Variants in DAAM2 observed in about 807,000 individuals in gnomAD.
The protein encoded by DAAM2 is disheveled-associated activator of morphogenesis 2.
DAAM2 carries 39 observed loss-of-function variants against 120.7 expected under a neutral mutation model. The observed-to-expected ratio is 0.32, with a 90% CI of 0.25 to 0.42. The LOEUF (loss-of-function observed/expected upper bound fraction) is 0.42. DAAM2 is among the 10% of genes least tolerant of loss of function. The pLI is 1.00. For missense variants in DAAM2, 1,283 were observed against 1,401.7 expected (o/e 0.92, Z 1.35); for synonymous variants, 488 against 524.9 (o/e 0.93, Z 0.96).
intron 6 of DAAM2, chr6:39,868,049 T>G (rs1024054409): frequency 1.8e-6 from 1 of 571,120 alleles, no homozygotes; most frequent in African/African-American, 1.9e-5. Flanking sequence ...TTAAGAGTTA[T>G]GAGTTTGGCT....
intron 1 of DAAM2, among the ~76,000 whole-genome samples, chr6:39,815,573 C>T (rs1458458949): frequency 6.6e-6 from 1 of 151,988 alleles, no homozygotes; most frequent in Admixed American, 6.6e-5. Context: ...AACATTAACT[C>T]TTATTGGTGT....
chr6:39,892,865 C>T (rs891972265), intron 19 of DAAM2, among the ~76,000 whole-genome samples: 1 of 152,126 alleles, frequency 6.6e-6, no homozygotes, highest in Non-Finnish European at 1.5e-5. Flanking sequence ...TCTTGTTCCC[C>T]CTCACACTAC....
intron 11 of DAAM2, among the ~76,000 whole-genome samples, chr6:39,877,556 C>T (rs1382523705): frequency 5.3e-5 from 8 of 152,210 alleles, no homozygotes; most frequent in Admixed American, 5.2e-4. Context: ...GGCCAAAAGT[C>T]ATGGGTCTAA....
intron 1 of DAAM2, among the ~76,000 whole-genome samples, chr6:39,802,457 AAAAG>A (rs1372708460): frequency 1.3e-5 from 2 of 152,236 alleles, no homozygotes; most frequent in African/African-American, 4.8e-5. Context: ...AAAAAAAGAA[AAAAG>A]AAAGTCCTTG....
At position 39,887,501 on chromosome 6, in the gene DAAM2, A is replaced by G. The variant is rs1306526322; in HGVS notation, c.1969A>G (p.Thr657Ala). The change falls in exon 16 of 25, where the codon ACT becomes GCT. Residue 657 changes from threonine to alanine, a missense_variant. Transcript: ENST00000274867. ...YQRHQKELGS[T>A]EDIYLASRKV... Reference sequence around the variant, plus strand: ...TTGGTTGCAGAAAGAGCTGGGCTCCACTGAAGACATCTACCTGGCTTCCCG... The same window carrying G: ...TTGGTTGCAGAAAGAGCTGGGCTCCGCTGAAGACATCTACCTGGCTTCCCG... 1 of 1,613,432 alleles carries G rather than the reference A, an allele frequency of 6.2e-7. No homozygotes were observed. The highest frequency in any genetic ancestry group is 2.2e-5 in the East Asian group (1 of 44,836).
rs1764702212 is a variant in DAAM2, at chr6:39,872,493, C to G, written c.1045-745C>G. 3.9e-5 allele frequency among the ~76,000 whole-genome samples: 6 copies of G among 152,264 alleles called. No individual in the cohort carries two copies. In the South Asian group the frequency reaches 8.3e-4, roughly 21 times the overall value. On this transcript the variant is annotated intron_variant, in intron 9 of 24. Coordinates refer to ENST00000274867, the MANE Select transcript of DAAM2 (RefSeq NM_001201427.2). ...TGCCTTCCAGCAACTTCCTGAGTCC[C>G]CTCTCCCCATCCCTAACCAGATCAT...
chr6:39,842,329 T>G (rs1431597232), intron 1 of DAAM2, among the ~76,000 whole-genome samples: 3 of 152,100 alleles, frequency 2.0e-5, no homozygotes, highest in Admixed American at 6.5e-5. Flanking sequence ...AGAAGTTAAT[T>G]GGTATAAAAA....
Position 39,901,319 on chromosome 6 carries a change from G to A in DAAM2, c.2829G>A (p.Met943Ile). ...CTTGACAGTTCGCCAAGGCCTTGAT[G>A]CACTTCGGGGAGCATGACAGCAAGA... ...EARDKFAKAL[M>I]HFGEHDSKMQ... Residue 943 changes from methionine (M) to isoleucine (I), a missense_variant, in exon 24 of 25, where the codon ATG becomes ATA. Met to Ile is a conservative substitution (Grantham distance 10). This residue lies in a region of DAAM2 where 748 missense variants were observed against 768.6 expected (regional missense o/e 0.97). Coordinates refer to ENST00000274867, the MANE Select transcript of DAAM2 (RefSeq NM_001201427.2). The surrounding 1 kb of genome is among the most constrained non-coding windows in gnomAD (Gnocchi z 4.5). 1.9e-6 allele frequency: 3 copies of A among 1,613,880 alleles called. No individual in the cohort carries two copies. The highest frequency in any genetic ancestry group is 2.5e-6 in the Non-Finnish European group (3 of 1,179,810).
rs74340117 is a variant in DAAM2 at position 39,903,749 on chromosome 6, G to C, written c.*1712G>C. 4.8e-5 allele frequency: 8 copies of C among 166,196 alleles called. No individual in the cohort carries two copies. The highest frequency in any genetic ancestry group is 1.7e-4 in the Admixed American group (3 of 17,454). The allele number at this position is 166,196 out of a possible 1,614,324, so 10.3% of individuals were successfully genotyped here. A position where few individuals can be genotyped will look rare whatever the true frequency, so the allele number is the denominator to read the frequency against. On this transcript the variant is annotated 3_prime_UTR_variant, in exon 25 of 25. Coordinates refer to ENST00000274867, the MANE Select transcript of DAAM2 (RefSeq NM_001201427.2). ...CTGGGGCTGGGACCGTAGTAGCTGC[G>C]GGGGGGAAGAAACACAGGGTCGGTG...
intron 1 of DAAM2, chr6:39,819,991 G>C (rs1762435205): frequency 6.6e-6 from 1 of 152,288 alleles, no homozygotes; most frequent in South Asian, 2.1e-4. Flanking sequence ...AACGGGCAAA[G>C]CTTGTGAGAG....
At chr6:39,824,725 AC>A (rs1387769616) in intron 1 of DAAM2, among the ~76,000 whole-genome samples, 1 of 152,088 alleles carries the variant, frequency 6.6e-6, no homozygotes, top group Non-Finnish European at 1.5e-5. Context: ...GAGAGGACCC[AC>A]TGGTGCCTTC....
In DAAM2 at chr6:39,904,235, C is replaced by A. The variant is rs1766653564; in HGVS notation, c.*2198C>A. The A allele has an allele frequency of 2.2e-6, 1 of 456,632 alleles. No individual in the cohort carries two copies. 28.3% of individuals were successfully genotyped at this position (456,632 alleles called of 1,614,324 possible). A position where few individuals can be genotyped will look rare whatever the true frequency, so the allele number is the denominator to read the frequency against. On this transcript the variant is annotated 3_prime_UTR_variant, in exon 25 of 25. Transcript: ENST00000274867. ...CAACTGTTGACAGAGGACACAAATA[C>A]GTTGTTCCAGAGCTCAGCCTTCTCA...
chr6:39,802,231 G>C (rs1761885065), intron 1 of DAAM2, among the ~76,000 whole-genome samples: 1 of 152,228 alleles, frequency 6.6e-6, no homozygotes, highest in South Asian at 2.1e-4. Context: ...GAGGCTGACA[G>C]CTGATAAACA....
chr6:39,812,815 T>C (rs927431006), intron 1 of DAAM2, among the ~76,000 whole-genome samples: 2 of 152,166 alleles, frequency 1.3e-5, no homozygotes, highest in African/African-American at 4.8e-5. Context: ...AAACCTAGGA[T>C]AGAGCCAGCA....
chr6:39,848,118 G>A (rs148206471), intron 1 of DAAM2, among the ~76,000 whole-genome samples: 10 of 152,086 alleles, frequency 6.6e-5, no homozygotes, highest in African/African-American at 1.9e-4. Flanking sequence ...ATGTGCTGAC[G>A]CCCTCTCTTC....
intron 1 of DAAM2, among the ~76,000 whole-genome samples, chr6:39,813,102 C>T (rs117256513): frequency 2.6e-5 from 4 of 152,056 alleles, no homozygotes; most frequent in East Asian, 3.9e-4. Flanking sequence ...GGGCACTAAC[C>T]GGATGACATT....
chr6:39,901,979 C>T lies in DAAM2; in HGVS notation c.3149C>T (p.Ser1050Leu). 1.9e-6 allele frequency: 3 copies of T among 1,612,020 alleles called. No individual in the cohort carries two copies. In the African/African-American group the frequency reaches 4.0e-5, roughly 21 times the overall value. The change falls in exon 25 of 25, where the codon TCA (serine) becomes TTA (leucine). Residue 1050 changes from serine to leucine, a missense_variant. By Grantham distance (145) the Ser-to-Leu change is moderately radical. This residue lies in a region of DAAM2 where 748 missense variants were observed against 768.6 expected (regional missense o/e 0.97). Transcript: ENST00000274867. This position sits in a 1 kb window ranked among gnomAD's most constrained non-coding sequence, Gnocchi z 4.5. ...AAGCTCAAGCGCAGCCGCAAGCGAT[C>T]AGGGAGCCAGGCCCTGGAAGTTACC... is the stretch of plus-strand genomic sequence containing the variant. ...LCKLKRSRKR[S>L]GSQALEVTRE...
chr6:39,902,136 T>G lies in DAAM2; in HGVS notation c.*99T>G, dbSNP rs1766531213. On this transcript the variant is annotated 3_prime_UTR_variant, in exon 25 of 25. Coordinates refer to ENST00000274867, the MANE Select transcript of DAAM2 (RefSeq NM_001201427.2). ...ATATTTAAACCATTTGGTGCTTGGT[T>G]TAGAGCCTTGGGCTGGGTCCTGGGA... 2.7e-6 allele frequency: 3 copies of G among 1,107,308 alleles called. No individual in the cohort carries two copies. Among genetic ancestry groups the G allele is most frequent in the Admixed American group, 2.6e-5 (1 of 38,384 alleles). 68.6% of individuals were successfully genotyped at this position (1,107,308 alleles called of 1,614,324 possible).
At chr6:39,802,762 GC>G (rs1320978131) in intron 1 of DAAM2, among the ~76,000 whole-genome samples, 1 of 152,058 alleles carries the variant, frequency 6.6e-6, no homozygotes, top group Non-Finnish European at 1.5e-5. Flanking sequence ...TTTTATTGAA[GC>G]CCAACATAAA....
Sources: gnomAD v4.1 joint callset for allele counts (sites outside exome capture counted in the v4.1 genomes callset) on GRCh38, gnomAD v4.1.1 for gene constraint, gnomAD v4.1.1 regional missense constraint, Gnocchi (gnomAD v3.1) non-coding constraint, MANE v1.5 for transcripts, NCBI Gene and HGNC (gene_info 2026-07-23, HGNC 2026-07-21) for gene names.